MPZ: variants seen among roughly 807,000 people sequenced by gnomAD.
MPZ encodes the protein myelin protein zero.
In MPZ, 13 loss-of-function variants were observed where a neutral mutation model predicts 27.9. That is an observed-to-expected ratio of 0.47 (90% CI 0.30 to 0.74). The LOEUF is 0.74. Among genes scored for constraint, MPZ ranks in the 30% least tolerant of loss-of-function variants. The pLI, the probability that MPZ is intolerant of heterozygous loss-of-function variation, is 0.06. For missense variants in MPZ, 256 were observed against 317.5 expected (o/e 0.81, Z 1.47); for synonymous variants, 118 against 128.9 (o/e 0.92, Z 0.57).
intron 1 of MPZ, among the ~76,000 whole-genome samples, chr1:161,309,321 G>T (rs555167496): frequency 6.6e-6 from 1 of 151,962 alleles, no homozygotes; most frequent in African/African-American, 2.4e-5. Context: ...TAGGGGACGA[G>T]TGGGAACCAA....
chr1:161,305,424 T>G lies in MPZ; in HGVS notation c.*452A>C. The G allele has an allele frequency of 5.7e-6, 1 of 176,294 alleles. No individual in the cohort carries two copies. The highest frequency in any genetic ancestry group is 1.2e-5 in the Non-Finnish European group (1 of 81,298). The allele number at this position is 176,294 out of a possible 1,614,324, so 10.9% of individuals were successfully genotyped here. On this transcript the variant is annotated 3_prime_UTR_variant, in exon 6 of 6. Coordinates refer to ENST00000533357, the MANE Select transcript of MPZ (RefSeq NM_000530.8). Reference sequence around the variant, plus strand: ...GGTATCAAAGTCCCTTTCTTCTCAGTGCTCAGGTGGACAGGCACCAAACAC... The same window carrying G: ...GGTATCAAAGTCCCTTTCTTCTCAGGGCTCAGGTGGACAGGCACCAAACAC...
At position 161,306,385 on chromosome 1, in the gene MPZ, G is replaced by C; in HGVS notation, c.528C>G (p.Phe176Leu). The change falls in exon 4 of 6, where the codon TTC becomes TTG. Residue 176 changes from phenylalanine to leucine, a missense_variant. Physicochemically the swap from Phe to Leu is conservative, Grantham distance 22. Coordinates refer to ENST00000533357, the MANE Select transcript of MPZ (RefSeq NM_000530.8). ...GTAGCCAGCAGTACCGAACCACGTA[G>C]AAAAGCAGCAGCAGCAACAGCACCA... ...LGVVLLLLLL[F>L]YVVRYCWLRR... is the part of the protein sequence containing the mutation. 1 of 1,614,176 alleles carries C rather than the reference G, an allele frequency of 6.2e-7. No homozygotes were observed. Among genetic ancestry groups the C allele is most frequent in the African/African-American group, 1.3e-5 (1 of 75,044 alleles).
At chr1:161,309,552 A>ATATATATATATTTTTT in intron 1 of MPZ, among the ~76,000 whole-genome samples, 2 of 80,664 alleles carry the variant, frequency 2.5e-5, no homozygotes, top group African/African-American at 1.2e-4. Context: ...ATATATATAT[A>ATATATATATATTTTTT]TTTTTTTTTT....
Position 161,308,414 on chromosome 1 carries a change from G to A in MPZ, c.68-990C>T, listed in dbSNP as rs1670313143. ...CATCCCCAAGACTTACCCACACAAGGAAGGTCATTCCAGAGAGACTATGTG... is the reference window on the plus strand; with the variant it reads ...CATCCCCAAGACTTACCCACACAAGAAAGGTCATTCCAGAGAGACTATGTG... On this transcript the variant is annotated intron_variant, in intron 1 of 5. Coordinates refer to ENST00000533357, the MANE Select transcript of MPZ (RefSeq NM_000530.8). 2.0e-5 allele frequency among the ~76,000 whole-genome samples: 3 copies of A among 152,196 alleles called. 1 individual carries two copies. The East Asian group carries it at 5.8e-4, about 29-fold the overall frequency.
chr1:161,307,130 C>A, intron 2 of MPZ, 128 bp downstream of exon 2: 1 of 1,288,568 alleles, frequency 7.8e-7, no homozygotes, highest in Non-Finnish European at 1.1e-6. Context: ...CAAAGACTGT[C>A]ATTTACCTTG....
At position 161,309,961 on chromosome 1, in the gene MPZ, C is replaced by T; in HGVS notation, c.-56G>A. 2.2e-6 allele frequency: 3 copies of T among 1,357,010 alleles called. No homozygotes were observed. Among genetic ancestry groups the T allele is most frequent in the Non-Finnish European group, 3.1e-6 (3 of 969,964 alleles). 84.1% of individuals were successfully genotyped at this position (1,357,010 alleles called of 1,614,324 possible). A position where few individuals can be genotyped will look rare whatever the true frequency, so the allele number is the denominator to read the frequency against. The stretch of plus-strand genomic sequence containing the variant: ...CTGTGGGGTTGAGAAAGTGGGGGAC[C>T]AGGAACTGAACGGGGGGTTCCTGGA... On this transcript the variant is annotated 5_prime_UTR_variant, in exon 1 of 6. Transcript: ENST00000533357.
In MPZ at chr1:161,306,182, G is replaced by T; in HGVS notation, c.585-14C>A. The T allele has an allele frequency of 6.2e-7, 1 of 1,614,152 alleles. No individual in the cohort carries two copies. The highest frequency in any genetic ancestry group is 8.5e-7 in the Non-Finnish European group (1 of 1,179,964). The stretch of plus-strand genomic sequence containing the variant: ...TTCTCCATAGCACTGCAAGAAGAGA[G>T]ACTGCTGTACGTTTGGCCTCGCCGG... On this transcript the variant is annotated splice_polypyrimidine_tract_variant and intron_variant, in intron 4 of 5. Transcript: ENST00000533357.
chr1:161,309,552 A>ATATATATATATATTTTTT, intron 1 of MPZ, among the ~76,000 whole-genome samples: 11 of 80,638 alleles, frequency 1.4e-4, no homozygotes, highest in African/African-American at 5.8e-4. Flanking sequence ...ATATATATAT[A>ATATATATATATATTTTTT]TTTTTTTTTT....
intron 1 of MPZ, 107 bp downstream of exon 1, chr1:161,309,732 C>T (rs1229162716): frequency 5.4e-6 from 5 of 923,258 alleles, no homozygotes; most frequent in Non-Finnish European, 8.7e-6. Context: ...CCTTCCTGCT[C>T]CTGCTTGTTC....
rs1230674741 is a variant in MPZ, at chr1:161,306,779, G to C, written c.377C>G (p.Thr126Ser). The stretch of plus-strand genomic sequence containing the variant: ...GTCTGGAGGGTTTTTGACGTCACAA[G>C]TGAACGTGCCATTGTCACTGTAGTC... ...NLDYSDNGTF[T>S]CDVKNPPDIV... The change falls in exon 3 of 6, where the codon ACT becomes AGT. Residue 126 changes from threonine to serine, a missense_variant. Thr to Ser is a moderately conservative substitution (Grantham distance 58). Coordinates refer to ENST00000533357, the MANE Select transcript of MPZ (RefSeq NM_000530.8). 6.2e-7 allele frequency: 1 copy of C among 1,614,072 alleles called. No homozygotes were observed. Among genetic ancestry groups the C allele is most frequent in the Admixed American group, 1.7e-5 (1 of 60,022 alleles).
Position 161,305,581 on chromosome 1 carries a change from G to C in MPZ, c.*295C>G, listed in dbSNP as rs1670213506. ...AAACTTACATCTCAAAGGGAGGTGA[G>C]GGCAGGGCAGGGCGGGGGAGCAAAG... On this transcript the variant is annotated 3_prime_UTR_variant, in exon 6 of 6. Coordinates refer to ENST00000533357, the MANE Select transcript of MPZ (RefSeq NM_000530.8). 2 of 469,004 alleles carry C rather than the reference G, an allele frequency of 4.3e-6. No homozygotes were observed. Among genetic ancestry groups the C allele is most frequent in the South Asian group, 3.2e-5 (1 of 31,624 alleles). The allele number at this position is 469,004 out of a possible 1,614,324, so 29.1% of individuals were successfully genotyped here.
rs1670265812 is a variant in MPZ, at chr1:161,306,844, G to T, written c.312C>A (p.Asp104Glu). Residue 104 changes from aspartate to glutamate, a missense_variant, in exon 3 of 6, where the codon GAC becomes GAA. Around this residue, in one of 2 missense-constraint regions of MPZ, gnomAD observed 155 missense variants for 223.9 expected, o/e 0.69. Transcript: ENST00000533357. The part of the protein sequence containing the change: ...TFKERIQWVG[D>E]PRWKDGSIVI... ...CAATGGAGCCATCCTTCCAGCGAGGGTCCCCTACCCACTGGATGCGCTCTT... is the reference window on the plus strand; with the variant it reads ...CAATGGAGCCATCCTTCCAGCGAGGTTCCCCTACCCACTGGATGCGCTCTT... 6.2e-7 allele frequency: 1 copy of T among 1,613,890 alleles called. No homozygotes were observed. The highest frequency in any genetic ancestry group is 8.5e-7 in the Non-Finnish European group (1 of 1,179,976).
rs1161359905 is a variant in MPZ, at chr1:161,306,439, C to G, written c.474G>C (p.Leu158=). The change falls in exon 4 of 6, where the codon CTG becomes CTC. Residue 158 remains leucine (L), a synonymous_variant. Transcript: ENST00000533357. ...EKVPTRYGVV[L]GAVIGGVLGV... ...CGAGGACACCCCCGATCACAGCTCC[C>G]AGAACGACCCCGTACCTAGTTGGCA... The G allele has an allele frequency of 6.2e-7, 1 of 1,614,190 alleles. No individual in the cohort carries two copies. The highest frequency in any genetic ancestry group is 8.5e-7 in the Non-Finnish European group (1 of 1,180,038).
At chr1:161,307,963 C>A (rs1039294200) in intron 1 of MPZ, among the ~76,000 whole-genome samples, 1 of 152,064 alleles carries the variant, frequency 6.6e-6, no homozygotes, top group Non-Finnish European at 1.5e-5. Context: ...TCAAGATATA[C>A]ACATACTTAC....
intron 1 of MPZ, among the ~76,000 whole-genome samples, chr1:161,308,111 T>G (rs570986125): frequency 6.6e-6 from 1 of 152,308 alleles, no homozygotes; most frequent in Non-Finnish European, 1.5e-5. Flanking sequence ...AACAGCTGCA[T>G]TGGATTTCAC....
chr1:161,305,310 G>A lies in MPZ; in HGVS notation c.*566C>T, dbSNP rs1397456359. ...TGGAGCTGGGCCACCTGGTAGAGGG[G>A]AGGGAGGGACGGGAGAGGAAACAGC... On this transcript the variant is annotated 3_prime_UTR_variant, in exon 6 of 6. Coordinates refer to ENST00000533357, the MANE Select transcript of MPZ (RefSeq NM_000530.8). The A allele has an allele frequency of 6.4e-6, 1 of 156,786 alleles. No individual in the cohort carries two copies. Among genetic ancestry groups the A allele is most frequent in the African/African-American group, 2.4e-5 (1 of 41,426 alleles). 9.7% of individuals were successfully genotyped at this position (156,786 alleles called of 1,614,324 possible). A position where few individuals can be genotyped will look rare whatever the true frequency, so the allele number is the denominator to read the frequency against.
Position 161,306,717 on chromosome 1 carries a change from A to G in MPZ, c.439T>C (p.Phe147Leu). The G allele has an allele frequency of 6.2e-7, 1 of 1,614,068 alleles. No homozygotes were observed. The change falls in exon 3 of 6, where the codon TTT becomes CTT. Residue 147 changes from phenylalanine to leucine, a missense_variant. Coordinates refer to ENST00000533357, the MANE Select transcript of MPZ (RefSeq NM_000530.8). Reference protein sequence around the residue: ...GKTSQVTLYVFEKVPTRYGVV... With the variant: ...GKTSQVTLYVLEKVPTRYGVV... ...CCATCCCTTCTCACACCTTTTTCAA[A>G]GACATACAGCGTGACCTGAGAGGTC...
chr1:161,309,841 A>G lies in MPZ; in HGVS notation c.65T>C (p.Leu22Ser), dbSNP rs1558155777. The change falls in exon 1 of 6, where the codon TTG becomes TCG. Residue 22 changes from leucine (L) to serine (S), a missense_variant and splice_region_variant. Coordinates refer to ENST00000533357, the MANE Select transcript of MPZ (RefSeq NM_000530.8). The part of the protein sequence containing the change: ...PILAVLLFSS[L>S]VLSPAQAIVV... ...CAGAGTAGAGTGGCTCCACTTACCC[A>G]AAGAAGAGAAGAGCAGCACAGCCAG... The G allele has an allele frequency of 1.3e-6, 2 of 1,580,592 alleles. No homozygotes were observed. Among genetic ancestry groups the G allele is most frequent in the East Asian group, 2.3e-5 (1 of 43,978 alleles).
intron 1 of MPZ, 64 bp downstream of exon 1, chr1:161,309,775 G>T: frequency 7.7e-7 from 1 of 1,300,722 alleles, no homozygotes; most frequent in Non-Finnish European, 1.1e-6. Context: ...TGCAGCAAAG[G>T]CTGTGGGGAT....
Sources: allele counts gnomAD v4.1 joint callset (sites outside exome capture counted in the v4.1 genomes callset), GRCh38; gene constraint gnomAD v4.1.1; regional missense constraint gnomAD v4.1.1; transcripts MANE v1.5; gene names NCBI Gene and HGNC (gene_info 2026-07-23, HGNC 2026-07-21).